ZNF236: variants seen among roughly 807,000 people sequenced by gnomAD.
The protein encoded by ZNF236 is regulated by glucose.
A neutral mutation model predicts 191.2 loss-of-function variants in ZNF236; 50 were observed. The ratio of observed to expected loss-of-function variants is 0.26; its 90% CI spans 0.21 to 0.33. ZNF236 has a LOEUF of 0.33. Among genes scored for constraint, ZNF236 ranks in the 10% least tolerant of loss-of-function variants. ZNF236 has a pLI of 1.00. For synonymous variants in ZNF236, 907 were observed against 928.8 expected (o/e 0.98, Z 0.43); for missense variants, 1,754 against 2,374.5 (o/e 0.74, Z 5.43).
At position 76,875,368 on chromosome 18, in the gene ZNF236, A is replaced by G; in HGVS notation, c.668-124A>G. On this transcript the variant is annotated intron_variant, in intron 5 of 30. Transcript: ENST00000320610. This position sits in a 1 kb window ranked among gnomAD's most constrained non-coding sequence, Gnocchi z 4.3. ...AGTAGACACTTGTATATATGCATCT[A>G]GAGTTCTGGGGAGACATTTTGGCTG... is the stretch of plus-strand genomic sequence containing the variant. The G allele has an allele frequency of 5.7e-6, 5 of 881,886 alleles. No homozygotes were observed. The highest frequency in any genetic ancestry group is 3.0e-4 in the Middle Eastern group (1 of 3,334). 54.6% of individuals were successfully genotyped at this position (881,886 alleles called of 1,614,324 possible). A position where few individuals can be genotyped will look rare whatever the true frequency, so the allele number is the denominator to read the frequency against.
intron 25 of ZNF236, chr18:76,936,392 T>G: frequency 2.2e-6 from 1 of 456,732 alleles, no homozygotes; most frequent in South Asian, 1.5e-5. Context: ...AATCCCATGC[T>G]GAACCCGTCT....
intron 27 of ZNF236, among the ~76,000 whole-genome samples, chr18:76,949,315 C>T (rs1287081705): frequency 6.6e-6 from 1 of 152,026 alleles, no homozygotes; most frequent in East Asian, 1.9e-4. Context: ...TAGAGTAATC[C>T]TATGTTAAGA....
rs748774850 is a variant in ZNF236 at position 76,849,450 on chromosome 18, A to G, written c.56-76A>G. ...TGACATAATTTGGTTTTTAAACAAT[A>G]ACCAATAATTTGGTTTTATTTATGT... On this transcript the variant is annotated intron_variant, in intron 1 of 30. Transcript: ENST00000320610. 4 of 1,284,360 alleles carry G rather than the reference A, an allele frequency of 3.1e-6. No homozygotes were observed. In the South Asian group the frequency reaches 5.5e-5, roughly 18 times the overall value. 79.6% of individuals were successfully genotyped at this position (1,284,360 alleles called of 1,614,324 possible).
At chr18:76,824,245 G>T in intron 1 of ZNF236, 1 of 772,530 alleles carries the variant, frequency 1.3e-6, no homozygotes, top group African/African-American at 1.7e-5. Flanking sequence ...TTATTCATAG[G>T]CCACACCAAA....
At chr18:76,900,874 G>A (rs567633553) in intron 11 of ZNF236, among the ~76,000 whole-genome samples, 3 of 152,244 alleles carry the variant, frequency 2.0e-5, no homozygotes, top group East Asian at 3.9e-4. Context: ...ATTGGGGGTC[G>A]GGTGGGAGGA....
Position 76,925,594 on chromosome 18 carries a change from T to C in ZNF236, c.4027+40T>C, listed in dbSNP as rs765903027. On this transcript the variant is annotated intron_variant, in intron 22 of 30. Transcript: ENST00000320610. The surrounding 1 kb of genome is among the most constrained non-coding windows in gnomAD (Gnocchi z 5.7). ...GAGGGAATGAGAGCAGCACAGTGAT[T>C]GAACTGTTCTGTGCTGCTTCTGTCT... 1.3e-6 allele frequency: 2 copies of C among 1,593,270 alleles called. No homozygotes were observed. The highest frequency in any genetic ancestry group is 2.7e-5 in the African/African-American group (2 of 74,792).
chr18:76,927,338 C>T lies in ZNF236; in HGVS notation c.4235C>T (p.Thr1412Met), dbSNP rs774158132. 5.6e-6 allele frequency: 9 copies of T among 1,613,974 alleles called. No homozygotes were observed. Among genetic ancestry groups the T allele is most frequent in the African/African-American group, 2.7e-5 (2 of 74,878 alleles). Residue 1412 changes from threonine to methionine, a missense_variant, in exon 24 of 31, where the codon ACG becomes ATG. Physicochemically the swap from Thr to Met is moderately conservative, Grantham distance 81 (BLOSUM62 -1). This residue lies in a region of ZNF236 where 606 missense variants were observed against 761.5 expected (regional missense o/e 0.80). Coordinates refer to ENST00000320610, the MANE Select transcript of ZNF236 (RefSeq NM_001306089.2). This position sits in a 1 kb window ranked among gnomAD's most constrained non-coding sequence, Gnocchi z 5.4. The part of the protein sequence containing the change: ...QQGNLLAQQL[T>M]GEPGLAPQNS... The stretch of plus-strand genomic sequence containing the variant: ...GGCAACCTATTGGCTCAGCAGCTCA[C>T]GGGGGAGCCTGGCCTGGCCCCACAG...
intron 14 of ZNF236, among the ~76,000 whole-genome samples, chr18:76,909,296 C>T (rs1175343376): frequency 4.0e-5 from 5 of 124,284 alleles, no homozygotes; most frequent in South Asian, 2.6e-4. Context: ...GCCTGGACAA[C>T]GGAGTGAGTG....
At chr18:76,888,679 G>A (rs962334770) in intron 9 of ZNF236, 1 of 152,300 alleles carries the variant, frequency 6.6e-6, no homozygotes. Flanking sequence ...AGGGTCCTTT[G>A]TTGGAACCAG....
intron 3 of ZNF236, among the ~76,000 whole-genome samples, chr18:76,860,749 C>T (rs1471175050): frequency 6.6e-6 from 1 of 152,234 alleles, no homozygotes; most frequent in Admixed American, 6.5e-5. Context: ...TCGCTTCTGA[C>T]TCCTTTTTAA....
intron 30 of ZNF236, among the ~76,000 whole-genome samples, 169 bp downstream of exon 30, chr18:76,961,024 AG>A (rs1241176362): frequency 6.6e-6 from 1 of 152,114 alleles, no homozygotes; most frequent in Non-Finnish European, 1.5e-5. Context: ...TGATTTCCAT[AG>A]GTTATTGGGG....
At chr18:76,944,089 C>T (rs1183986771) in intron 26 of ZNF236, among the ~76,000 whole-genome samples, 1 of 152,194 alleles carries the variant, frequency 6.6e-6, no homozygotes, top group Non-Finnish European at 1.5e-5. Context: ...CGAACATTGA[C>T]ATTCCTGGGT....
intron 2 of ZNF236, 96 bp downstream of exon 2, chr18:76,849,764 C>A: frequency 8.6e-7 from 1 of 1,168,626 alleles, no homozygotes; most frequent in Non-Finnish European, 1.1e-6. Context: ...AATTTAGGTT[C>A]CTAAATAGTA....
intron 2 of ZNF236, among the ~76,000 whole-genome samples, chr18:76,850,066 G>A (rs1489967604): frequency 2.0e-5 from 3 of 152,170 alleles, no homozygotes; most frequent in African/African-American, 7.2e-5. Context: ...GATGTTTTAG[G>A]TTGTGTTTCA....
chr18:76,957,146 G>A (rs73490898), intron 28 of ZNF236, among the ~76,000 whole-genome samples: 2 of 149,360 alleles, frequency 1.3e-5, no homozygotes, highest in Non-Finnish European at 2.9e-5. Flanking sequence ...TCCTGTGTAT[G>A]TTGGGGGGGT....
intron 14 of ZNF236, 51 bp from the exon 15 acceptor site, chr18:76,910,017 T>A (rs1374345304): frequency 2.1e-6 from 3 of 1,417,366 alleles, no homozygotes; most frequent in African/African-American, 2.8e-5. Flanking sequence ...TTTGCAGTTG[T>A]GAAATAACTT....
chr18:76,899,892 G>A (rs768097276), intron 11 of ZNF236, among the ~76,000 whole-genome samples: 37 of 152,140 alleles, frequency 2.4e-4, no homozygotes, highest in Non-Finnish European at 3.7e-4. Flanking sequence ...AGTTCTAGAG[G>A]CTGGGAAGTC....
intron 28 of ZNF236, among the ~76,000 whole-genome samples, chr18:76,957,345 G>A (rs1035316844): frequency 2.0e-5 from 3 of 152,176 alleles, no homozygotes; most frequent in Non-Finnish European, 2.9e-5. Flanking sequence ...GGCCAGTGGT[G>A]TCAGCAGTGA....
At chr18:76,877,111 G>T (rs1299784311) in intron 6 of ZNF236, among the ~76,000 whole-genome samples, 2 of 152,160 alleles carry the variant, frequency 1.3e-5, no homozygotes, top group East Asian at 3.8e-4. Flanking sequence ...CTAACACTGG[G>T]TTTTAGTAAT....
Sources: allele counts gnomAD v4.1 joint callset (sites outside exome capture counted in the v4.1 genomes callset), GRCh38; gene constraint gnomAD v4.1.1; regional missense constraint gnomAD v4.1.1; non-coding constraint Gnocchi (gnomAD v3.1); transcripts MANE v1.5; gene names NCBI Gene and HGNC (gene_info 2026-07-23, HGNC 2026-07-21).